The following TMA16 variants were observed in gnomAD, a reference collection of about 807,000 sequenced individuals.
The protein encoded by TMA16 is translation machinery associated 16 homolog.
TMA16 carries 26 observed loss-of-function variants against 27.1 expected under a neutral mutation model. The ratio of observed to expected loss-of-function variants is 0.96; its 90% CI spans 0.70 to 1.33. The LOEUF (loss-of-function observed/expected upper bound fraction) is 1.33, where lower values mean the gene tolerates loss of function less well. Among genes scored for constraint, TMA16 ranks in the 40% most tolerant of loss-of-function variants. The pLI, the probability that TMA16 is intolerant of heterozygous loss-of-function variation, is 0.00. For synonymous variants in TMA16, 71 were observed against 81.9 expected (o/e 0.87, Z 0.72); for missense variants, 233 against 241.4 (o/e 0.97, Z 0.23).
At chr4:163,506,656 C>A (rs1472477202) in intron 1 of TMA16, among the ~76,000 whole-genome samples, 1 of 152,184 alleles carries the variant, frequency 6.6e-6, no homozygotes, top group East Asian at 1.9e-4. Context: ...TACTAATAAT[C>A]CAAGTCCCTT....
At position 163,511,800 on chromosome 4, in the gene TMA16, G is replaced by A. The variant is rs141489554; in HGVS notation, c.117-1022G>A. On this transcript the variant is annotated intron_variant, in intron 2 of 6. Coordinates refer to ENST00000358572, the MANE Select transcript of TMA16 (RefSeq NM_018352.3). ...TGACAGCACTACTGCAGTCCTGCTC[G>A]AGCTACACAGTGAGGCCCTGTCTCT... 2.0e-5 allele frequency among the ~76,000 whole-genome samples: 3 copies of A among 152,130 alleles called. No individual in the cohort carries two copies. The East Asian group carries it at 5.8e-4, about 29-fold the overall frequency.
chr4:163,514,171 C>T lies in TMA16; in HGVS notation c.239+13C>T, dbSNP rs1737842376. 8 of 1,586,606 alleles carry T rather than the reference C, an allele frequency of 5.0e-6. No homozygotes were observed. The South Asian group carries it at 9.1e-5, about 18-fold the overall frequency. On this transcript the variant is annotated intron_variant, in intron 4 of 6. Transcript: ENST00000358572. ...AACTAATTGAAAGGTAAACACTGGG[C>T]ATATTATGAGCAAAGGGTCAGAAAA...
chr4:163,514,143 G>A lies in TMA16; in HGVS notation c.224G>A (p.Cys75Tyr). The A allele has an allele frequency of 1.9e-6, 3 of 1,607,166 alleles. No individual in the cohort carries two copies. Among genetic ancestry groups the A allele is most frequent in the Non-Finnish European group, 2.5e-6 (3 of 1,177,130 alleles). Residue 75 changes from cysteine to tyrosine, a missense_variant, in exon 4 of 7, where the codon TGT (cysteine) becomes TAT (tyrosine). Physicochemically the swap from Cys to Tyr is radical, Grantham distance 194. Transcript: ENST00000358572. ...AAGAGATATTCAAAGAAAGATGCTTGTGAACTAATTGAAAGGTAAACACTG... is the reference window on the plus strand; with the variant it reads ...AAGAGATATTCAAAGAAAGATGCTTATGAACTAATTGAAAGGTAAACACTG... ...QKKRYSKKDA[C>Y]ELIERYLNRF...
At chr4:163,504,571 C>T (rs1211603933) in intron 1 of TMA16, among the ~76,000 whole-genome samples, 3 of 152,182 alleles carry the variant, frequency 2.0e-5, no homozygotes, top group South Asian at 2.1e-4. Context: ...CATCTATGCT[C>T]GCTGCAGTCT....
chr4:163,503,593 G>C (rs918798293), intron 1 of TMA16, among the ~76,000 whole-genome samples: 3 of 152,108 alleles, frequency 2.0e-5, no homozygotes, highest in African/African-American at 7.2e-5. Flanking sequence ...TTCTAGTTAT[G>C]AATCCAAAGA....
At chr4:163,501,752 T>C (rs1282621874) in intron 1 of TMA16, among the ~76,000 whole-genome samples, 1 of 152,222 alleles carries the variant, frequency 6.6e-6, no homozygotes, top group Non-Finnish European at 1.5e-5. Context: ...GATTTTCTGA[T>C]TTAAACATTA....
Position 163,519,529 on chromosome 4 carries a change from A to T in TMA16, c.*15A>T. On this transcript the variant is annotated 3_prime_UTR_variant, in exon 7 of 7. Coordinates refer to ENST00000358572, the MANE Select transcript of TMA16 (RefSeq NM_018352.3). ...CAGTGGCCTAATTGTCTTCACTTGA[A>T]TTGAAAATAAATAATTTGAGAGCTT... 1 of 1,539,938 alleles carries T rather than the reference A, an allele frequency of 6.5e-7. No individual in the cohort carries two copies. Among genetic ancestry groups the T allele is most frequent in the Non-Finnish European group, 8.7e-7 (1 of 1,152,446 alleles).
At chr4:163,499,420 G>A (rs1737612449) in intron 1 of TMA16, among the ~76,000 whole-genome samples, 1 of 152,044 alleles carries the variant, frequency 6.6e-6, no homozygotes, top group East Asian at 1.9e-4. Context: ...TTTCTTCTGA[G>A]ATCTGTGTGG....
intron 1 of TMA16, among the ~76,000 whole-genome samples, chr4:163,497,778 G>C (rs899873006): frequency 6.6e-6 from 1 of 152,058 alleles, no homozygotes. Context: ...GTCATATATG[G>C]TAATATATTC....
intron 1 of TMA16, among the ~76,000 whole-genome samples, chr4:163,502,198 GATAAA>G (rs1304931433): frequency 6.6e-6 from 1 of 152,114 alleles, no homozygotes; most frequent in African/African-American, 2.4e-5. Context: ...CTAAAATGAA[GATAAA>G]ATTAAAGTCT....
In TMA16 at chr4:163,512,982, G is replaced by A. The variant is rs1579019326; in HGVS notation, c.154+123G>A. 1.2e-5 allele frequency: 8 copies of A among 653,612 alleles called. No individual in the cohort carries two copies. In the East Asian group the frequency reaches 2.3e-4, roughly 19 times the overall value. The allele number at this position is 653,612 out of a possible 1,614,324, so 40.5% of individuals were successfully genotyped here. On this transcript the variant is annotated intron_variant, in intron 3 of 6. Transcript: ENST00000358572. The stretch of plus-strand genomic sequence containing the variant: ...TATCAAAGTGAATTTGATCAGACTT[G>A]ATCTAAACAAAGCAAATCAATCATT...
chr4:163,511,684 G>C (rs1387700013), intron 2 of TMA16, among the ~76,000 whole-genome samples: 1 of 151,490 alleles, frequency 6.6e-6, no homozygotes, highest in East Asian at 1.9e-4. Flanking sequence ...AAGTAGCCAG[G>C]CATGGTGGTA....
intron 4 of TMA16, 62 bp from the exon 5 acceptor site, chr4:163,515,251 A>G (rs530823474): frequency 6.8e-7 from 1 of 1,471,716 alleles, no homozygotes; most frequent in Non-Finnish European, 9.1e-7. Context: ...GTTTTCCATT[A>G]AGTAATGTAA....
intron 1 of TMA16, among the ~76,000 whole-genome samples, chr4:163,498,432 T>C (rs904592644): frequency 9.2e-5 from 14 of 151,568 alleles, no homozygotes; most frequent in Admixed American, 2.6e-4. Context: ...GGACTACAGG[T>C]GCCCGCCACC....
intron 1 of TMA16, among the ~76,000 whole-genome samples, chr4:163,502,120 G>A (rs1737658308): frequency 6.6e-6 from 1 of 152,108 alleles, no homozygotes; most frequent in African/African-American, 2.4e-5. Flanking sequence ...GAATCTGGGA[G>A]AAGTTTATTC....
intron 1 of TMA16, 168 bp downstream of exon 1, chr4:163,494,972 G>C: frequency 1.0e-6 from 1 of 973,208 alleles, no homozygotes; most frequent in Non-Finnish European, 1.5e-6. Flanking sequence ...TGGGAGGCGA[G>C]TCCCAGGCCC....
Position 163,512,806 on chromosome 4 carries a change from T to G in TMA16, c.117-16T>G. ...TTGGAAATTTTCTAACACATATATTTACCTTTCCTTCAAAGATTGAAGAAT... is the reference window on the plus strand; with the variant it reads ...TTGGAAATTTTCTAACACATATATTGACCTTTCCTTCAAAGATTGAAGAAT... On this transcript the variant is annotated splice_polypyrimidine_tract_variant and intron_variant, in intron 2 of 6. Transcript: ENST00000358572. 1 of 1,594,108 alleles carries G rather than the reference T, an allele frequency of 6.3e-7. No individual in the cohort carries two copies.
chr4:163,514,006 A>T (rs921013690), intron 3 of TMA16, 68 bp from the exon 4 acceptor site: 1 of 1,217,146 alleles, frequency 8.2e-7, no homozygotes, highest in Non-Finnish European at 1.1e-6. Flanking sequence ...GTTGAAAATG[A>T]TAATGAATAT....
chr4:163,507,436 C>T (rs537528023), intron 2 of TMA16, among the ~76,000 whole-genome samples: 112 of 152,236 alleles, frequency 7.4e-4, no homozygotes, highest in Non-Finnish European at 1.2e-3. Flanking sequence ...TGGAAGCCTT[C>T]TCTGAAGAAG....
Sources: gnomAD v4.1 joint callset for allele counts (sites outside exome capture counted in the v4.1 genomes callset) on GRCh38, gnomAD v4.1.1 for gene constraint, MANE v1.5 for transcripts, NCBI Gene and HGNC (gene_info 2026-07-23, HGNC 2026-07-21) for gene names.